The following GLS variants were observed in gnomAD, a reference collection of about 807,000 sequenced individuals.
The protein encoded by GLS is glutaminase kidney isoform, mitochondrial.
GLS carries 36 observed loss-of-function variants against 86.7 expected under a neutral mutation model. The observed-to-expected ratio is 0.42, with a 90% CI of 0.32 to 0.55. The LOEUF (loss-of-function observed/expected upper bound fraction) is 0.55, where lower values mean the gene tolerates loss of function less well. Ranked by LOEUF, GLS falls within the 20% of genes least tolerant of loss-of-function variation. The pLI is 0.17. For missense variants in GLS, 528 were observed against 833.4 expected (o/e 0.63, Z 4.51); for synonymous variants, 317 against 305.9 (o/e 1.04, Z -0.38).
In GLS at chr2:190,947,900, T is replaced by TA. The variant is rs1238013518; in HGVS notation, c.1651-5664dup. On this transcript the variant is annotated intron_variant, in intron 14 of 17. Transcript: ENST00000320717. This position sits in a 1 kb window ranked among gnomAD's most constrained non-coding sequence, Gnocchi z 5.0. ...GAGGGTGTGTCAGCTTAGTTGGAAATACTCGTGGCGCTCTTTAACAGACCA... is the reference window on the plus strand; with the variant it reads ...GAGGGTGTGTCAGCTTAGTTGGAAATAACTCGTGGCGCTCTTTAACAGACCA... Among the ~76,000 whole-genome samples the TA allele has an allele frequency of 6.6e-6, 1 of 152,162 alleles. No individual in the cohort carries two copies. Among genetic ancestry groups the TA allele is most frequent in the Non-Finnish European group, 1.5e-5 (1 of 68,036 alleles).
At chr2:190,910,677 TA>T (rs1689328152) in intron 7 of GLS, among the ~76,000 whole-genome samples, 1 of 151,794 alleles carries the variant, frequency 6.6e-6, no homozygotes, top group Non-Finnish European at 1.5e-5. Flanking sequence ...AATGAACAGT[TA>T]TAAATAGAAT....
At position 190,931,619 on chromosome 2, in the gene GLS, A is replaced by G; in HGVS notation, c.1632A>G (p.Arg544=). The change falls in exon 14 of 18, where the codon AGA becomes AGG. Residue 544 remains arginine (R), a synonymous_variant. Transcript: ENST00000320717. ...RHFAKKLDPR[R]EGGDQRVKSV... is the part of the protein sequence containing the mutation. ...TTGCAAAAAAACTTGATCCTCGAAG[A>G]GAAGGTGGTGATCAAAGGGTAAGCA... is the stretch of plus-strand genomic sequence containing the variant. The G allele has an allele frequency of 1.3e-6, 2 of 1,559,296 alleles. No homozygotes were observed. The highest frequency in any genetic ancestry group is 1.8e-6 in the Non-Finnish European group (2 of 1,132,902).
chr2:190,911,762 G>T (rs1218682379), intron 7 of GLS, among the ~76,000 whole-genome samples: 1 of 152,028 alleles, frequency 6.6e-6, no homozygotes, highest in Non-Finnish European at 1.5e-5. Flanking sequence ...AACACCAAAA[G>T]TGTTTCTTCC....
In GLS at chr2:190,955,918, G is replaced by A. The variant is rs780247076; in HGVS notation, c.1853+1100G>A. Among the ~76,000 whole-genome samples, 13 of 152,176 alleles carry A rather than the reference G, an allele frequency of 8.5e-5. No individual in the cohort carries two copies. The highest frequency in any genetic ancestry group is 1.9e-4 in the Non-Finnish European group (13 of 68,030). On this transcript the variant is annotated intron_variant, in intron 17 of 17. Coordinates refer to ENST00000320717, the MANE Select transcript of GLS (RefSeq NM_014905.5). This position sits in a 1 kb window ranked among gnomAD's most constrained non-coding sequence, Gnocchi z 5.6. ...TCACATGTTTGTTGGCTGCATAAAT[G>A]TCTTCTTTTGAGAAGTGTCTGTTCA...
chr2:190,955,557 T>A lies in GLS; in HGVS notation c.1853+739T>A, dbSNP rs1206756736. On this transcript the variant is annotated intron_variant, in intron 17 of 17. Transcript: ENST00000320717. The surrounding 1 kb of genome is among the most constrained non-coding windows in gnomAD (Gnocchi z 5.6). Reference sequence around the variant, plus strand: ...TGGTCATTTGGGTTAGTTCCAAGTCTTTTCTATTGTGAACAGTGCCACAAT... The same window carrying A: ...TGGTCATTTGGGTTAGTTCCAAGTCATTTCTATTGTGAACAGTGCCACAAT... Among the ~76,000 whole-genome samples, 1 of 152,250 alleles carries A rather than the reference T, an allele frequency of 6.6e-6. No individual in the cohort carries two copies. Among genetic ancestry groups the A allele is most frequent in the African/African-American group, 2.4e-5 (1 of 41,460 alleles).
chr2:190,924,863 C>T lies in GLS; in HGVS notation c.1248+270C>T, dbSNP rs1198907194. On this transcript the variant is annotated intron_variant, in intron 11 of 17. Transcript: ENST00000320717. This position sits in a 1 kb window ranked among gnomAD's most constrained non-coding sequence, Gnocchi z 5.2. ...CTGGAAGGCCGAGGTTGCAGTGAGC[C>T]GAGATCACGCCACTGCATTCCAGCC... 4 of 316,776 alleles carry T rather than the reference C, an allele frequency of 1.3e-5. No homozygotes were observed. The highest frequency in any genetic ancestry group is 4.6e-5 in the Admixed American group (1 of 21,656). The allele number at this position is 316,776 out of a possible 1,614,324, so 19.6% of individuals were successfully genotyped here.
Position 190,954,590 on chromosome 2 carries a change from T to C in GLS, c.1719T>C (p.Ala573=), listed in dbSNP as rs756161483. The change falls in exon 16 of 18, where the codon GCT becomes GCC. Residue 573 remains alanine, a synonymous_variant. Transcript: ENST00000320717. The surrounding 1 kb of genome is among the most constrained non-coding windows in gnomAD (Gnocchi z 4.0). ...TGDVSALRRF[A]LSAMDMEQRD... Reference sequence around the variant, plus strand: ...TGTGCTTACACATTTTCAGATTTGCTTTGTCAGCTATGGACATGGAACAGC... The same window carrying C: ...TGTGCTTACACATTTTCAGATTTGCCTTGTCAGCTATGGACATGGAACAGC... The C allele has an allele frequency of 1.9e-6, 3 of 1,608,678 alleles. No individual in the cohort carries two copies. The highest frequency in any genetic ancestry group is 2.5e-6 in the Non-Finnish European group (3 of 1,176,646).
intron 14 of GLS, among the ~76,000 whole-genome samples, chr2:190,945,966 C>A (rs969176886): frequency 6.6e-6 from 1 of 152,142 alleles, no homozygotes; most frequent in South Asian, 2.1e-4. Context: ...CGAATCATAT[C>A]AGTTTGGATT....
At chr2:190,934,082 ACTT>A (rs1227355757) in intron 14 of GLS, 1 of 975,808 alleles carries the variant, frequency 1.0e-6, no homozygotes, top group Non-Finnish European at 1.2e-6. Context: ...TCTTCCATAT[ACTT>A]CTCTGGTTTT....
chr2:190,902,030 A>C lies in GLS; in HGVS notation c.815+4A>C. 1.9e-6 allele frequency: 3 copies of C among 1,580,568 alleles called. No individual in the cohort carries two copies. Among genetic ancestry groups the C allele is most frequent in the Non-Finnish European group, 2.6e-6 (3 of 1,149,732 alleles). On this transcript the variant is annotated splice_donor_region_variant and intron_variant, in intron 5 of 17. Coordinates refer to ENST00000320717, the MANE Select transcript of GLS (RefSeq NM_014905.5). The stretch of plus-strand genomic sequence containing the variant: ...TTTGTACAGTAGATGGACAGAGGTA[A>C]GTTTATTTCAAATTCATGAAAACCA...
chr2:190,922,894 T>C (rs1254621491), intron 9 of GLS, among the ~76,000 whole-genome samples: 1 of 152,180 alleles, frequency 6.6e-6, no homozygotes, highest in Admixed American at 6.5e-5. Context: ...TCATTCTCTT[T>C]CTTTCCAAAC....
rs1253401705 is a variant in GLS at position 190,924,388 on chromosome 2, CTTT to C, written c.1198-151_1198-149del. Among the ~76,000 whole-genome samples, 1 of 151,758 alleles carries C rather than the reference CTTT, an allele frequency of 6.6e-6. No individual in the cohort carries two copies. Among genetic ancestry groups the C allele is most frequent in the African/African-American group, 2.4e-5 (1 of 41,296 alleles). On this transcript the variant is annotated intron_variant, in intron 10 of 17. Transcript: ENST00000320717. This position sits in a 1 kb window ranked among gnomAD's most constrained non-coding sequence, Gnocchi z 5.2. ...ACTTACATGATGTGATAAAATTTTG[CTTT>C]TTTATTTCATGTTTATACTCTTTTA...
At position 190,963,175 on chromosome 2, in the gene GLS, C is replaced by T. The variant is rs1447636736; in HGVS notation, c.*189C>T. ...TGGGAAAAAATAGAAATAAAACAAT[C>T]TCCCTCCATAATGTGAGCAATATTA... On this transcript the variant is annotated 3_prime_UTR_variant, in exon 18 of 18. Coordinates refer to ENST00000320717, the MANE Select transcript of GLS (RefSeq NM_014905.5). 11 of 469,090 alleles carry T rather than the reference C, an allele frequency of 2.3e-5. No individual in the cohort carries two copies. The highest frequency in any genetic ancestry group is 4.0e-5 in the African/African-American group (2 of 50,026). The allele number at this position is 469,090 out of a possible 1,614,324, so 29.1% of individuals were successfully genotyped here.
At chr2:190,957,962 G>A (rs1162313063) in intron 17 of GLS, among the ~76,000 whole-genome samples, 2 of 152,156 alleles carry the variant, frequency 1.3e-5, no homozygotes, top group African/African-American at 2.4e-5. Context: ...CTATTGTTTG[G>A]AATAGATTCA....
At chr2:190,907,714 G>A (rs1329358612) in intron 6 of GLS, among the ~76,000 whole-genome samples, 1 of 152,110 alleles carries the variant, frequency 6.6e-6, no homozygotes, top group African/African-American at 2.4e-5. Flanking sequence ...TGTAGTGATC[G>A]GGTTAATCAA....
rs1054397529 is a variant in GLS at position 190,888,638 on chromosome 2, A to G, written c.387-6514A>G. 1.1e-4 allele frequency among the ~76,000 whole-genome samples: 17 copies of G among 152,302 alleles called. No homozygotes were observed. The East Asian group carries it at 2.3e-3, about 21-fold the overall frequency. ...GGTAAATAGATGTGGCAGTCTTCCA[A>G]TAAAACTTTATTTACAAAAAGAGGA... On this transcript the variant is annotated intron_variant, in intron 1 of 17. Transcript: ENST00000320717.
rs1414985837 is a variant in GLS at position 190,947,063 on chromosome 2, G to T, written c.1651-6502G>T. On this transcript the variant is annotated intron_variant, in intron 14 of 17. Coordinates refer to ENST00000320717, the MANE Select transcript of GLS (RefSeq NM_014905.5). This position sits in a 1 kb window ranked among gnomAD's most constrained non-coding sequence, Gnocchi z 5.0. ...TGTTTAAAATGTTGAATGTTTTAGG[G>T]TCATCCACTATATAAATACAGAGTA... Among the ~76,000 whole-genome samples, 1 of 152,100 alleles carries T rather than the reference G, an allele frequency of 6.6e-6. No individual in the cohort carries two copies. The highest frequency in any genetic ancestry group is 1.9e-4 in the East Asian group (1 of 5,200).
Position 190,950,613 on chromosome 2 carries a change from A to AATT in GLS, c.1651-2951_1651-2950insTTA, listed in dbSNP as rs201689720. Reference sequence around the variant, plus strand: ...AAGCACTTCTCAGCACCACTGGGTAAAGAAGCTCCCTTCCTCCCAGCACAT... The same window carrying AATT: ...AAGCACTTCTCAGCACCACTGGGTAAATTAGAAGCTCCCTTCCTCCCAGCACAT... On this transcript the variant is annotated intron_variant, in intron 14 of 17. Transcript: ENST00000320717. 9.3e-3 allele frequency among the ~76,000 whole-genome samples: 1,422 copies of AATT among 152,326 alleles called. 15 individuals are homozygous for AATT. The highest frequency in any genetic ancestry group is 0.031 in the African/African-American group (1,288 of 41,564).
chr2:190,933,719 A>G, intron 14 of GLS: 2 of 866,624 alleles, frequency 2.3e-6, no homozygotes, highest in Non-Finnish European at 2.8e-6. Flanking sequence ...TGTTATATTT[A>G]AATATGAATG....
Sources: gnomAD v4.1 joint callset for allele counts (sites outside exome capture counted in the v4.1 genomes callset) on GRCh38, gnomAD v4.1.1 for gene constraint, Gnocchi (gnomAD v3.1) non-coding constraint, MANE v1.5 for transcripts, NCBI Gene and HGNC (gene_info 2026-07-23, HGNC 2026-07-21) for gene names.